HK2: variants seen among roughly 807,000 people sequenced by gnomAD.
The protein encoded by HK2 is hexokinase 2, also known as hexokinase-2.
In HK2, 42 loss-of-function variants were observed where a neutral mutation model predicts 92.9. The observed-to-expected ratio is 0.45, with a 90% CI of 0.35 to 0.58. The LOEUF (loss-of-function observed/expected upper bound fraction) is 0.58, where lower values mean the gene tolerates loss of function less well. HK2 is among the 20% of genes least tolerant of loss of function. The pLI is 0.00. For missense variants in HK2, 978 were observed against 1,245.1 expected (o/e 0.79, Z 3.23); for synonymous variants, 422 against 468.0 (o/e 0.90, Z 1.27).
In HK2 at chr2:74,891,265, A is replaced by G. The variant is rs1440712696; in HGVS notation, c.*324A>G. On this transcript the variant is annotated 3_prime_UTR_variant, in exon 18 of 18. Transcript: ENST00000290573. ...CCCTGTATAATTCTACAGGATGGGG[A>G]CACTAATGAAGATACGGTTGCTTCA... is the stretch of plus-strand genomic sequence containing the variant. 2.7e-6 allele frequency: 1 copy of G among 374,078 alleles called. No individual in the cohort carries two copies. Among genetic ancestry groups the G allele is most frequent in the Non-Finnish European group, 5.1e-6 (1 of 195,478 alleles). 23.2% of individuals were successfully genotyped at this position (374,078 alleles called of 1,614,324 possible). A position where few individuals can be genotyped will look rare whatever the true frequency, so the allele number is the denominator to read the frequency against.
At chr2:74,870,302 G>A (rs572725451) in intron 3 of HK2, among the ~76,000 whole-genome samples, 100 of 152,186 alleles carry the variant, frequency 6.6e-4, no homozygotes, top group South Asian at 4.8e-3. Flanking sequence ...GAGCCACTGC[G>A]CCGGCCTGTT....
intron 2 of HK2, among the ~76,000 whole-genome samples, chr2:74,863,769 G>A (rs1034086143): frequency 6.6e-6 from 1 of 152,202 alleles, no homozygotes; most frequent in African/African-American, 2.4e-5. Flanking sequence ...TGATTGGAAT[G>A]TTCAGTGCAG....
At chr2:74,842,997 T>A (rs1688352101) in intron 1 of HK2, among the ~76,000 whole-genome samples, 3 of 152,204 alleles carry the variant, frequency 2.0e-5, no homozygotes, top group Admixed American at 2.0e-4. Flanking sequence ...GGATTTCATA[T>A]TCTTCTGCTG....
chr2:74,838,924 A>G (rs187940215), intron 1 of HK2, among the ~76,000 whole-genome samples: 4 of 152,288 alleles, frequency 2.6e-5, no homozygotes, highest in Non-Finnish European at 5.9e-5. Context: ...AACCATAGAG[A>G]TAAAATGAAG....
At chr2:74,871,955 T>TC (rs1486598893) in intron 3 of HK2, among the ~76,000 whole-genome samples, 9 of 152,098 alleles carry the variant, frequency 5.9e-5, no homozygotes, top group Non-Finnish European at 1.3e-4. Flanking sequence ...AATGTTCTGT[T>TC]CCCCGGGCAT....
chr2:74,886,248 T>A (rs1573391764), intron 13 of HK2, 46 bp from the exon 14 acceptor site: 1 of 1,337,242 alleles, frequency 7.5e-7, no homozygotes, highest in East Asian at 2.3e-5. Context: ...GAAAGGAGAA[T>A]ATTGGGGTTC....
At chr2:74,878,050 ATACCCCAAGGTGATGCAAG>A (rs1476777174) in intron 8 of HK2, among the ~76,000 whole-genome samples, 3 of 152,272 alleles carry the variant, frequency 2.0e-5, no homozygotes, top group Non-Finnish European at 2.9e-5. Context: ...ACTTGTTGCT[ATACCCCAAGGTGATGCAAG>A]TACCCCAAGG....
rs1280403245 is a variant in HK2 at position 74,892,594 on chromosome 2, C to T, written c.*1653C>T. The T allele has an allele frequency of 6.6e-6, 1 of 152,158 alleles. No homozygotes were observed. Among genetic ancestry groups the T allele is most frequent in the Admixed American group, 6.5e-5 (1 of 15,278 alleles). 9.4% of individuals were successfully genotyped at this position (152,158 alleles called of 1,614,324 possible). ...GTCCTAAAATACAAACAAGCACAGACATTAAACCTGGATACTATATGATAA... is the reference window on the plus strand; with the variant it reads ...GTCCTAAAATACAAACAAGCACAGATATTAAACCTGGATACTATATGATAA... On this transcript the variant is annotated 3_prime_UTR_variant, in exon 18 of 18. Transcript: ENST00000290573.
chr2:74,885,906 G>T (rs1689519755), intron 13 of HK2, among the ~76,000 whole-genome samples: 1 of 146,464 alleles, frequency 6.8e-6, no homozygotes, highest in Non-Finnish European at 1.5e-5. Context: ...TAAAAGAATG[G>T]CCACTCCATA....
intron 3 of HK2, among the ~76,000 whole-genome samples, chr2:74,870,554 CTTTTTTTTT>C (rs60629948): frequency 8.1e-6 from 1 of 123,206 alleles, no homozygotes; most frequent in Non-Finnish European, 1.7e-5. Context: ...CTGCATCTCC[CTTTTTTTTT>C]TTTTTTTTTT....
At chr2:74,859,730 G>A (rs1259422694) in intron 2 of HK2, among the ~76,000 whole-genome samples, 1 of 152,218 alleles carries the variant, frequency 6.6e-6, no homozygotes, top group Non-Finnish European at 1.5e-5. Flanking sequence ...TGGTGGGAAT[G>A]TAAATAAGTA....
chr2:74,844,032 G>C (rs1028598159), intron 1 of HK2, among the ~76,000 whole-genome samples: 16 of 152,338 alleles, frequency 1.1e-4, no homozygotes, highest in African/African-American at 3.6e-4. Flanking sequence ...GGGCAAGCCA[G>C]AATCCAGACC....
chr2:74,893,159 G>A lies in HK2; in HGVS notation c.*2218G>A, dbSNP rs1689724215. 1 of 151,912 alleles carries A rather than the reference G, an allele frequency of 6.6e-6. No homozygotes were observed. The highest frequency in any genetic ancestry group is 2.4e-5 in the African/African-American group (1 of 41,330). The allele number at this position is 151,912 out of a possible 1,614,324, so 9.4% of individuals were successfully genotyped here. The stretch of plus-strand genomic sequence containing the variant: ...TTATGTTCTCAGAATCAGGTTGACA[G>A]TCCCTTGCTGACATGGCTTTGCTTT... On this transcript the variant is annotated 3_prime_UTR_variant, in exon 18 of 18. Transcript: ENST00000290573.
intron 2 of HK2, 142 bp downstream of exon 2, chr2:74,854,597 G>A: frequency 2.2e-6 from 2 of 909,296 alleles, no homozygotes; most frequent in East Asian, 2.6e-5. Flanking sequence ...ATGGAAGGCT[G>A]TGTGACGGAT....
At chr2:74,879,734 CGTT>C (rs1689335596) in intron 9 of HK2, among the ~76,000 whole-genome samples, 1 of 152,204 alleles carries the variant, frequency 6.6e-6, no homozygotes, top group African/African-American at 2.4e-5. Flanking sequence ...TGGCTGAACA[CGTT>C]GTCTTTAGCT....
intron 3 of HK2, among the ~76,000 whole-genome samples, chr2:74,868,582 G>T (rs1274979594): frequency 1.3e-5 from 2 of 152,104 alleles, no homozygotes; most frequent in East Asian, 3.9e-4. Context: ...TTTCACAGGG[G>T]TTTTTGTCTG....
Position 74,874,426 on chromosome 2 carries a change from C to G in HK2, c.852C>G (p.Gly284=), listed in dbSNP as rs1280691578. 2 of 1,608,420 alleles carry G rather than the reference C, an allele frequency of 1.2e-6. No homozygotes were observed. Among genetic ancestry groups the G allele is most frequent in the East Asian group, 2.2e-5 (1 of 44,698 alleles). The part of the protein sequence containing the change: ...RTEFDQEIDM[G]SLNPGKQLFE... ...AGTTTGACCAGGAGATTGACATGGGCTCACTGAACCCGGGAAAGCAACTGT... is the reference window on the plus strand; with the variant it reads ...AGTTTGACCAGGAGATTGACATGGGGTCACTGAACCCGGGAAAGCAACTGT... The change falls in exon 7 of 18, where the codon GGC becomes GGG. Residue 284 remains glycine, a synonymous_variant. Coordinates refer to ENST00000290573, the MANE Select transcript of HK2 (RefSeq NM_000189.5).
chr2:74,842,798 A>C (rs1444690125), intron 1 of HK2, among the ~76,000 whole-genome samples: 1 of 152,180 alleles, frequency 6.6e-6, no homozygotes, highest in Non-Finnish European at 1.5e-5. Context: ...CCCCCATTCG[A>C]GGTCTCTGGG....
At chr2:74,854,500 G>A (rs991053474) in intron 2 of HK2, 45 bp downstream of exon 2, 2 of 1,610,342 alleles carry the variant, frequency 1.2e-6, no homozygotes, top group South Asian at 1.1e-5. Flanking sequence ...TTACTCAGGG[G>A]TGATTTAGTT....
Sources: gnomAD v4.1 joint callset for allele counts (sites outside exome capture counted in the v4.1 genomes callset) on GRCh38, gnomAD v4.1.1 for gene constraint, MANE v1.5 for transcripts, NCBI Gene and HGNC (gene_info 2026-07-23, HGNC 2026-07-21) for gene names.